The following ADGRB3 variants were observed in gnomAD, a reference collection of about 807,000 sequenced individuals.
ADGRB3 encodes the protein adhesion G protein-coupled receptor B3.
In ADGRB3, 37 loss-of-function variants were observed where a neutral mutation model predicts 193.4. The ratio of observed to expected loss-of-function variants is 0.19; its 90% CI spans 0.15 to 0.25. The LOEUF is 0.25. ADGRB3 is among the 10% of genes least tolerant of loss of function. ADGRB3 has a pLI of 1.00. For missense variants in ADGRB3, 1,637 were observed against 1,852.9 expected, an observed-to-expected ratio of 0.88 and a Z score of 2.14; for synonymous variants, 690 against 644.2, an observed-to-expected ratio of 1.07 and a Z score of -1.08.
At chr6:68,971,574 A>G (rs1194609525) in intron 8 of ADGRB3, among the ~76,000 whole-genome samples, 1 of 151,802 alleles carries the variant, frequency 6.6e-6, no homozygotes, top group Non-Finnish European at 1.5e-5. Flanking sequence ...CAAATACTAT[A>G]CCATTTTATA....
At chr6:69,225,216 T>C (rs1765983956) in intron 17 of ADGRB3, among the ~76,000 whole-genome samples, 1 of 152,232 alleles carries the variant, frequency 6.6e-6, no homozygotes, top group Non-Finnish European at 1.5e-5. Flanking sequence ...CTAATTTATA[T>C]CTGACCCCTC....
chr6:69,344,950 G>A (rs1371783407), intron 26 of ADGRB3, among the ~76,000 whole-genome samples: 2 of 152,004 alleles, frequency 1.3e-5, no homozygotes, highest in Non-Finnish European at 2.9e-5. Context: ...ACCATATGAA[G>A]CACATGGAGG....
At chr6:69,046,154 G>A (rs895293373) in intron 13 of ADGRB3, among the ~76,000 whole-genome samples, 5 of 152,098 alleles carry the variant, frequency 3.3e-5, no homozygotes, top group Admixed American at 2.0e-4. Flanking sequence ...TAGAGACAGA[G>A]AAATTATTAG....
At chr6:69,125,402 C>T (rs1773825878) in intron 17 of ADGRB3, among the ~76,000 whole-genome samples, 1 of 152,126 alleles carries the variant, frequency 6.6e-6, no homozygotes, top group Non-Finnish European at 1.5e-5. Flanking sequence ...ACCCCTCAAG[C>T]TGAGAGTATG....
At chr6:69,154,025 C>A (rs183994640) in intron 17 of ADGRB3, among the ~76,000 whole-genome samples, 11 of 152,198 alleles carry the variant, frequency 7.2e-5, no homozygotes, top group African/African-American at 2.6e-4. Context: ...AAAAGTGGAA[C>A]TTGCATAATT....
At chr6:68,863,094 T>G (rs1765201236) in intron 3 of ADGRB3, among the ~76,000 whole-genome samples, 1 of 152,196 alleles carries the variant, frequency 6.6e-6, no homozygotes, top group Non-Finnish European at 1.5e-5. Context: ...TTGTGCATAC[T>G]TACCAATATT....
intron 3 of ADGRB3, among the ~76,000 whole-genome samples, chr6:68,824,117 A>G (rs900668258): frequency 1.3e-5 from 2 of 152,020 alleles, no homozygotes; most frequent in Non-Finnish European, 2.9e-5. Context: ...AATTTTATCT[A>G]TTTTCACTTT....
chr6:69,191,994 G>A (rs987484536), intron 17 of ADGRB3, among the ~76,000 whole-genome samples: 10 of 152,116 alleles, frequency 6.6e-5, no homozygotes, highest in Non-Finnish European at 1.2e-4. Flanking sequence ...CAAGGTCCTG[G>A]TGATCTAATA....
At chr6:69,230,438 A>G (rs546179095) in intron 17 of ADGRB3, among the ~76,000 whole-genome samples, 2 of 152,310 alleles carry the variant, frequency 1.3e-5, no homozygotes, top group East Asian at 3.9e-4. Flanking sequence ...TTTGCTTCAC[A>G]TTTGCTCTGC....
intron 17 of ADGRB3, among the ~76,000 whole-genome samples, chr6:69,154,923 A>G (rs1214362034): frequency 1.3e-5 from 2 of 152,278 alleles, no homozygotes; most frequent in Non-Finnish European, 2.9e-5. Context: ...CTAAGATAGC[A>G]TATTCTTACA....
chr6:69,066,270 A>C (rs1239384582), intron 16 of ADGRB3, among the ~76,000 whole-genome samples: 1 of 151,744 alleles, frequency 6.6e-6, no homozygotes, highest in Non-Finnish European at 1.5e-5. Flanking sequence ...ACACATCTCT[A>C]ATATCAAATC....
Position 68,883,709 on chromosome 6 carries a change from A to G in ADGRB3, c.758-46850A>G, listed in dbSNP as rs376689973. Among the ~76,000 whole-genome samples the G allele has an allele frequency of 9.9e-5, 15 of 152,174 alleles. No homozygotes were observed. In the East Asian group the frequency reaches 1.5e-3, roughly 16 times the overall value. ...CGAGACCACGAACCCACCAGAAGGA[A>G]GAAACTCTGAACATGTTTGAACATG... On this transcript the variant is annotated intron_variant, in intron 3 of 31. Transcript: ENST00000370598.
At chr6:69,076,142 G>C in intron 17 of ADGRB3, 104 bp downstream of exon 17, 1 of 951,420 alleles carries the variant, frequency 1.1e-6, no homozygotes, top group Non-Finnish European at 1.6e-6. Flanking sequence ...TCAGTGGGAT[G>C]TTGCATTCAG....
intron 2 of ADGRB3, among the ~76,000 whole-genome samples, chr6:68,638,050 A>T (rs535874052): frequency 6.6e-6 from 1 of 152,348 alleles, no homozygotes; most frequent in South Asian, 2.1e-4. Flanking sequence ...AGCAGTTCAC[A>T]TGGTGGCCCC....
At position 69,090,017 on chromosome 6, in the gene ADGRB3, A is replaced by G. The variant is rs17481474; in HGVS notation, c.2480+13979A>G. On this transcript the variant is annotated intron_variant, in intron 17 of 31. Transcript: ENST00000370598. ...TTGGAGCTATGTAAGTACTGTGTGC[A>G]TTTTTGTTTTTCTATTTTATTTTGT... Among the ~76,000 whole-genome samples, 909 of 152,294 alleles carry G rather than the reference A, an allele frequency of 6.0e-3. 2 individuals carry two copies. Among genetic ancestry groups the G allele is most frequent in the Middle Eastern group, 0.031 (9 of 294 alleles).
rs548290068 is a variant in ADGRB3, at chr6:68,908,147, T to C, written c.758-22412T>C. Among the ~76,000 whole-genome samples, 203 of 152,154 alleles carry C rather than the reference T, an allele frequency of 1.3e-3. 1 individual carries two copies. The highest frequency in any genetic ancestry group is 2.0e-3 in the Non-Finnish European group (138 of 67,930). ...AACTATTGCTGTCTTAATTTCTACA[T>C]GGATTTTTATCTCTTCATTGAATTT... is the stretch of plus-strand genomic sequence containing the variant. On this transcript the variant is annotated intron_variant, in intron 3 of 31. Coordinates refer to ENST00000370598, the MANE Select transcript of ADGRB3 (RefSeq NM_001704.3).
At chr6:69,101,604 G>T (rs1773057818) in intron 17 of ADGRB3, among the ~76,000 whole-genome samples, 1 of 151,610 alleles carries the variant, frequency 6.6e-6, no homozygotes, top group Non-Finnish European at 1.5e-5. Flanking sequence ...GACTGTGAAA[G>T]ACATAAATTT....
rs1274010803 is a variant in ADGRB3, at chr6:68,661,509, ATG to A, written c.757+22083_757+22084del. 2.2e-4 allele frequency among the ~76,000 whole-genome samples: 19 copies of A among 85,948 alleles called. No individual in the cohort carries two copies. The East Asian group carries it at 3.8e-3, about 17-fold the overall frequency. The allele number at this position is 85,948 out of a possible 152,430, so 56.4% of individuals were successfully genotyped here. A position where few individuals can be genotyped will look rare whatever the true frequency, so the allele number is the denominator to read the frequency against. The stretch of plus-strand genomic sequence containing the variant: ...TATATATATGTGTGTATACATATAT[ATG>A]TGTGTATACATATATATATGTGTAT... On this transcript the variant is annotated intron_variant, in intron 3 of 31. Transcript: ENST00000370598.
At chr6:68,662,541 A>G (rs922189238) in intron 3 of ADGRB3, among the ~76,000 whole-genome samples, 5 of 151,570 alleles carry the variant, frequency 3.3e-5, no homozygotes, top group East Asian at 1.9e-4. Flanking sequence ...ATTAAAAATT[A>G]TAAAAAAATT....
Sources: allele counts gnomAD v4.1 joint callset (sites outside exome capture counted in the v4.1 genomes callset), GRCh38; gene constraint gnomAD v4.1.1; transcripts MANE v1.5; gene names NCBI Gene and HGNC (gene_info 2026-07-23, HGNC 2026-07-21).